The following SLC6A13 variants were observed in gnomAD, a reference collection of about 807,000 sequenced individuals.
SLC6A13 encodes the protein sodium- and chloride-dependent GABA transporter 2.
In SLC6A13, 69 loss-of-function variants were observed where a neutral mutation model predicts 72.9. The ratio of observed to expected loss-of-function variants is 0.95; its 90% confidence interval spans 0.78 to 1.16. The LOEUF (loss-of-function observed/expected upper bound fraction) is 1.16. Ranked by LOEUF, SLC6A13 falls within the 50% of genes most tolerant of loss-of-function variation. The probability of loss-of-function intolerance (pLI) is 0.00; values close to 1 mark genes in which losing one functional copy is unlikely to be tolerated. For missense variants in SLC6A13, 735 were observed against 760.5 expected, an observed-to-expected ratio of 0.97 and a Z score of 0.39; for synonymous variants, 303 against 303.0, an observed-to-expected ratio of 1.00 and a Z score of 0.00.
At position 237,232 on chromosome 12, in the gene SLC6A13, G is replaced by A. The variant is rs746681927; in HGVS notation, c.622C>T (p.Leu208=). Residue 208 remains leucine, a synonymous_variant, in exon 6 of 15, where the codon CTG becomes TTG. Transcript: ENST00000343164. The part of the protein sequence containing the change: ...IQHLGALRWE[L]ALCLLLAWVI... ...CAGGCCAGCAGGAGGCACAGAGCCA[G>A]CTCCCAGCGCAGGGCCCCCAGGTGC... The A allele has an allele frequency of 6.2e-7, 1 of 1,614,008 alleles. No individual in the cohort carries two copies. Among genetic ancestry groups the A allele is most frequent in the South Asian group, 1.1e-5 (1 of 91,072 alleles).
chr12:221,107 G>A, intron 14 of SLC6A13, 37 bp from the exon 15 acceptor site: 1 of 1,554,328 alleles, frequency 6.4e-7, no homozygotes, highest in East Asian at 2.3e-5. Context: ...AGGTGGTGGA[G>A]CGGGGGCAGG....
intron 2 of SLC6A13, among the ~76,000 whole-genome samples, chr12:251,124 C>G (rs1942530138): frequency 6.6e-6 from 1 of 151,302 alleles, no homozygotes; most frequent in South Asian, 2.1e-4. Context: ...CCACTGCACT[C>G]CAGCCTGGGC....
Position 237,083 on chromosome 12 carries a change from G to C in SLC6A13, c.696+75C>G, listed in dbSNP as rs74057637. The C allele has an allele frequency of 1.1e-3, 1,727 of 1,545,468 alleles. 19 individuals carry two copies. In the African/African-American group the frequency reaches 0.021, roughly 19 times the overall value. On this transcript the variant is annotated intron_variant, in intron 6 of 14. Transcript: ENST00000343164. ...CCATCCTCAACGGGGCCACAGCTTA[G>C]AGAACTCCTGGGTGACAGCCCCCAG...
rs532774711 is a variant in SLC6A13, at chr12:220,977, T to C, written c.1780A>G (p.Arg594Gly). The change falls in exon 15 of 15, where the codon AGA (arginine) becomes GGA (glycine). Residue 594 changes from arginine to glycine, a missense_variant. Arg to Gly is a moderately radical substitution (Grantham distance 125). Transcript: ENST00000343164. ...CAGTGAGACTCTAGCTCTGTGAGTC[T>C]GAGCAGTGAGGTCCTGGGGGTGGCG... ...APATPRTSLL[R>G]LTELESHC 4.5e-5 allele frequency: 72 copies of C among 1,613,074 alleles called. 1 individual carries two copies. The South Asian group carries it at 6.8e-4, about 15-fold the overall frequency.
At chr12:238,895 T>C (rs569655329) in intron 4 of SLC6A13, among the ~76,000 whole-genome samples, 1 of 151,678 alleles carries the variant, frequency 6.6e-6, no homozygotes, top group Non-Finnish European at 1.5e-5. Flanking sequence ...TTTTCACCCT[T>C]GTTCCCCTCG....
chr12:223,778 C>T (rs1049012100), intron 11 of SLC6A13: 8 of 574,194 alleles, frequency 1.4e-5, no homozygotes, highest in Non-Finnish European at 2.5e-5. Flanking sequence ...AATGGCTCCT[C>T]ACCCATCCCT....
chr12:227,665 A>G lies in SLC6A13; in HGVS notation c.835T>C (p.Trp279Arg). Residue 279 changes from tryptophan to arginine, a missense_variant, in exon 8 of 15, where the codon TGG becomes CGG. Physicochemically the swap from Trp to Arg is moderately radical, Grantham distance 101 (BLOSUM62 -3). Transcript: ENST00000343164. ...NLTRLWDPQVWMDAGTQIFFS... is the reference protein window; with the variant it reads ...NLTRLWDPQVRMDAGTQIFFS... ...AATATCTGGGTGCCTGCATCCATCC[A>G]CACCTACAAAGGGGAAGGGCAAGAA... 1 of 1,603,316 alleles carries G rather than the reference A, an allele frequency of 6.2e-7. No homozygotes were observed. Among genetic ancestry groups the G allele is most frequent in the Non-Finnish European group, 8.5e-7 (1 of 1,173,722 alleles).
chr12:247,882 C>T (rs1565504714), intron 2 of SLC6A13, among the ~76,000 whole-genome samples: 1 of 151,922 alleles, frequency 6.6e-6, no homozygotes, highest in Non-Finnish European at 1.5e-5. Flanking sequence ...TACATTATCA[C>T]TTGAAGATAA....
intron 2 of SLC6A13, chr12:259,563 C>G: frequency 7.2e-7 from 1 of 1,395,236 alleles, no homozygotes; most frequent in Non-Finnish European, 9.3e-7. Context: ...TGTCCAAGAT[C>G]ACACAGAGTG....
At chr12:232,954 A>G (rs1236229479) in intron 7 of SLC6A13, among the ~76,000 whole-genome samples, 2 of 152,178 alleles carry the variant, frequency 1.3e-5, no homozygotes, top group Non-Finnish European at 2.9e-5. Context: ...CCCTGTGTGC[A>G]CAGAGCTCCC....
intron 4 of SLC6A13, 140 bp downstream of exon 4, chr12:242,474 T>A (rs1239904496): frequency 8.0e-6 from 5 of 624,826 alleles, no homozygotes; most frequent in Non-Finnish European, 1.3e-5. Flanking sequence ...TTCTTGATCT[T>A]ATTCTTGACA....
At chr12:222,499 CT>C in intron 13 of SLC6A13, 32 bp downstream of exon 13, 1 of 1,424,624 alleles carries the variant, frequency 7.0e-7, no homozygotes, top group Admixed American at 1.8e-5. Context: ...CTCTCCCTCC[CT>C]TCATCTGACT....
At chr12:225,912 A>G (rs1439460180) in intron 9 of SLC6A13, among the ~76,000 whole-genome samples, 1 of 152,242 alleles carries the variant, frequency 6.6e-6, no homozygotes, top group Non-Finnish European at 1.5e-5. Flanking sequence ...GCAGTCACTC[A>G]CAAAAGAGGG....
intron 2 of SLC6A13, chr12:253,481 G>C (rs1942627484): frequency 6.6e-6 from 1 of 152,254 alleles, no homozygotes; most frequent in Non-Finnish European, 1.5e-5. Flanking sequence ...TCTATAAACA[G>C]CACAGGGCTA....
chr12:237,793 G>A (rs773337545), intron 5 of SLC6A13, 133 bp downstream of exon 5: 8 of 680,996 alleles, frequency 1.2e-5, no homozygotes, highest in South Asian at 7.1e-5. Flanking sequence ...ACAAACATAG[G>A]CACCACAGAA....
At chr12:222,973 C>T (rs1044123805) in intron 12 of SLC6A13, 159 bp downstream of exon 12, 1 of 601,404 alleles carries the variant, frequency 1.7e-6, no homozygotes, top group Non-Finnish European at 3.0e-6. Context: ...GAGGGCCTTC[C>T]AAAGGTAGCA....
chr12:245,846 G>A (rs550767843), intron 2 of SLC6A13, among the ~76,000 whole-genome samples: 18 of 151,904 alleles, frequency 1.2e-4, no homozygotes, highest in Admixed American at 5.2e-4. Flanking sequence ...AGCTGGGCGC[G>A]GTGGCTCAAG....
intron 1 of SLC6A13, among the ~76,000 whole-genome samples, chr12:260,503 G>A (rs1163991634): frequency 6.6e-6 from 1 of 152,190 alleles, no homozygotes; most frequent in African/African-American, 2.4e-5. Flanking sequence ...TCCCTTGCAG[G>A]AATTTATGCT....
chr12:224,355 AC>A (rs750975347), intron 10 of SLC6A13, 45 bp downstream of exon 10: 19 of 1,521,176 alleles, frequency 1.2e-5, no homozygotes, highest in African/African-American at 2.8e-5. Context: ...CCCAGCACAC[AC>A]CCCCCCACTC....
Sources: gnomAD v4.1 joint callset for allele counts (sites outside exome capture counted in the v4.1 genomes callset) on GRCh38, gnomAD v4.1.1 for gene constraint, MANE v1.5 for transcripts, NCBI Gene and HGNC (gene_info 2026-07-23, HGNC 2026-07-21) for gene names.